The following EIF3H variants were observed in gnomAD, a reference collection of about 807,000 sequenced individuals.
The protein encoded by EIF3H is eIF-3-gamma.
EIF3H carries 26 observed loss-of-function variants against 44.2 expected under a neutral mutation model. The ratio of observed to expected loss-of-function variants is 0.59; its 90% CI spans 0.43 to 0.82. The LOEUF is 0.82. Ranked by LOEUF, EIF3H falls within the 40% of genes least tolerant of loss-of-function variation. The pLI is 0.00. For synonymous variants in EIF3H, 166 were observed against 151.9 expected, an observed-to-expected ratio of 1.09 and a Z score of -0.68; for missense variants, 359 against 432.8, an observed-to-expected ratio of 0.83 and a Z score of 1.51.
chr8:116,725,225 G>A (rs1318283149), intron 2 of EIF3H, among the ~76,000 whole-genome samples: 1 of 152,198 alleles, frequency 6.6e-6, no homozygotes, highest in African/African-American at 2.4e-5. Context: ...TGAGGTATCT[G>A]TAGTCAGACT....
At chr8:116,743,177 T>C (rs926590522) in intron 1 of EIF3H, among the ~76,000 whole-genome samples, 1 of 152,160 alleles carries the variant, frequency 6.6e-6, no homozygotes, top group Non-Finnish European at 1.5e-5. Flanking sequence ...GGCCAGGTGG[T>C]GGTGGCTCAC....
intron 1 of EIF3H, among the ~76,000 whole-genome samples, chr8:116,731,630 A>G (rs1443500342): frequency 6.6e-6 from 1 of 152,204 alleles, no homozygotes; most frequent in African/African-American, 2.4e-5. Context: ...AGAGGAATTC[A>G]AGCCCTAGTT....
intron 2 of EIF3H, among the ~76,000 whole-genome samples, chr8:116,683,630 G>A (rs772085124): frequency 5.7e-4 from 86 of 152,156 alleles, no homozygotes; most frequent in Admixed American, 8.5e-4. Flanking sequence ...GCATGGGGAT[G>A]GATGACATAA....
chr8:116,697,359 T>G (rs914821561), intron 2 of EIF3H: 4 of 366,920 alleles, frequency 1.1e-5, no homozygotes, highest in Non-Finnish European at 1.6e-5. Context: ...TATTGCTGCT[T>G]TCACCAACCC....
chr8:116,705,703 G>C (rs1009936715), intron 2 of EIF3H, among the ~76,000 whole-genome samples: 1 of 152,146 alleles, frequency 6.6e-6, no homozygotes, highest in African/African-American at 2.4e-5. Context: ...TCACAGACCA[G>C]AGGGGCCTAA....
At chr8:116,751,589 A>G (rs1473324845) in intron 1 of EIF3H, among the ~76,000 whole-genome samples, 1 of 152,256 alleles carries the variant, frequency 6.6e-6, no homozygotes, top group Non-Finnish European at 1.5e-5. Flanking sequence ...TGAGATGCCT[A>G]TGAGATATCC....
chr8:116,685,484 G>C (rs1272130019), intron 2 of EIF3H, among the ~76,000 whole-genome samples: 1 of 152,178 alleles, frequency 6.6e-6, no homozygotes, highest in Non-Finnish European at 1.5e-5. Flanking sequence ...TCAATAGACT[G>C]CTTCTCCCAT....
At chr8:116,748,743 C>T (rs1815281464) in intron 1 of EIF3H, among the ~76,000 whole-genome samples, 1 of 152,166 alleles carries the variant, frequency 6.6e-6, no homozygotes, top group South Asian at 2.1e-4. Context: ...AAGGACCAAA[C>T]TGGATACCAA....
chr8:116,738,034 C>CAAAAAAAAAAAAAAAAAA (rs750259420), intron 1 of EIF3H, among the ~76,000 whole-genome samples: 1 of 68,504 alleles, frequency 1.5e-5, no homozygotes, highest in Non-Finnish European at 3.1e-5. Flanking sequence ...GGCTCCATCT[C>CAAAAAAAAAAAAAAAAAA]AAAAAAAAAA....
intron 2 of EIF3H, among the ~76,000 whole-genome samples, chr8:116,701,991 C>CT (rs1814383864): frequency 1.3e-5 from 2 of 151,512 alleles, no homozygotes. Context: ...TTCTGTAAAT[C>CT]TAAATTTTTT....
Position 116,752,733 on chromosome 8 carries a change from A to AAAGAAAGAAAG in EIF3H, c.132+2932_132+2933insCTTTCTTTCTT, listed in dbSNP as rs1563663056. ...GAAAGAAAGAAAGAAAGAAAGAAAG[A>AAAGAAAGAAAG]AGAGAAAGAAAGAAAGAAAGAGGGA... On this transcript the variant is annotated intron_variant, in intron 1 of 7. Coordinates refer to ENST00000521861, the MANE Select transcript of EIF3H (RefSeq NM_003756.3). Among the ~76,000 whole-genome samples, 6 of 124,440 alleles carry AAAGAAAGAAAG rather than the reference A, an allele frequency of 4.8e-5. No individual in the cohort carries two copies. The East Asian group carries it at 9.5e-4, about 20-fold the overall frequency. The allele number at this position is 124,440 out of a possible 152,430, so 81.6% of individuals were successfully genotyped here. A position where few individuals can be genotyped will look rare whatever the true frequency, so the allele number is the denominator to read the frequency against.
chr8:116,739,208 G>A (rs1815090373), intron 1 of EIF3H, among the ~76,000 whole-genome samples: 1 of 152,210 alleles, frequency 6.6e-6, no homozygotes, highest in South Asian at 2.1e-4. Flanking sequence ...TGCTTCTTAA[G>A]GACATGCTCA....
At chr8:116,658,667 T>G (rs1586436065) in intron 3 of EIF3H, 146 bp downstream of exon 3, 4 of 696,448 alleles carry the variant, frequency 5.7e-6, no homozygotes, top group Non-Finnish European at 9.2e-6. Flanking sequence ...CTGTCTAGAC[T>G]GAGCTGCTGC....
intron 1 of EIF3H, among the ~76,000 whole-genome samples, chr8:116,743,815 C>T (rs1358492806): frequency 1.6e-5 from 2 of 121,522 alleles, no homozygotes; most frequent in Non-Finnish European, 3.3e-5. Flanking sequence ...CACACACACA[C>T]ACACACACAC....
intron 1 of EIF3H, among the ~76,000 whole-genome samples, chr8:116,751,195 G>C (rs1409952999): frequency 6.7e-6 from 1 of 149,584 alleles, no homozygotes; most frequent in Admixed American, 6.7e-5. Context: ...CTGGGCGACA[G>C]AGCGAGACTC....
Position 116,642,822 on chromosome 8 carries a change from C to T in EIF3H, c.*2184G>A, listed in dbSNP as rs913951833. 12 of 152,164 alleles carry T rather than the reference C, an allele frequency of 7.9e-5. No homozygotes were observed. Among genetic ancestry groups the T allele is most frequent in the African/African-American group, 2.7e-4 (11 of 41,438 alleles). 9.4% of individuals were successfully genotyped at this position (152,164 alleles called of 1,614,324 possible). A position where few individuals can be genotyped will look rare whatever the true frequency, so the allele number is the denominator to read the frequency against. On this transcript the variant is annotated 3_prime_UTR_variant, in exon 8 of 8. Coordinates refer to ENST00000521861, the MANE Select transcript of EIF3H (RefSeq NM_003756.3). ...ACTACATACTGTGGCGAGTTAATTT[C>T]CACTGACATGTTTTCCTAAACAGTT...
At chr8:116,743,867 GATTTT>G (rs1815183941) in intron 1 of EIF3H, among the ~76,000 whole-genome samples, 1 of 146,966 alleles carries the variant, frequency 6.8e-6, no homozygotes, top group South Asian at 2.2e-4. Flanking sequence ...AATAAAGTTT[GATTTT>G]ATTTTGTGTG....
chr8:116,660,344 A>C (rs1407733400), intron 2 of EIF3H, among the ~76,000 whole-genome samples: 2 of 152,226 alleles, frequency 1.3e-5, no homozygotes, highest in Non-Finnish European at 2.9e-5. Context: ...CTATGGTTTT[A>C]CAAAGCCTAC....
intron 2 of EIF3H, among the ~76,000 whole-genome samples, chr8:116,662,481 T>G (rs1240852861): frequency 6.6e-6 from 1 of 152,104 alleles, no homozygotes; most frequent in East Asian, 1.9e-4. Flanking sequence ...AAAAAAATAA[T>G]AAGTAATACT....
Sources: allele counts gnomAD v4.1 joint callset (sites outside exome capture counted in the v4.1 genomes callset), GRCh38; gene constraint gnomAD v4.1.1; transcripts MANE v1.5; gene names NCBI Gene and HGNC (gene_info 2026-07-23, HGNC 2026-07-21).